MGAT4C: variants seen among roughly 807,000 people sequenced by gnomAD.
MGAT4C encodes the protein MGAT4 family member C.
MGAT4C carries 19 observed loss-of-function variants against 40.1 expected under a neutral mutation model. The ratio of observed to expected loss-of-function variants is 0.47; its 90% confidence interval spans 0.33 to 0.70. MGAT4C has a LOEUF of 0.70. MGAT4C is among the 30% of genes least tolerant of loss of function. The pLI, the probability that MGAT4C is intolerant of heterozygous loss-of-function variation, is 0.02. For synonymous variants in MGAT4C, 181 were observed against 187.1 expected (o/e 0.97, Z 0.27); for missense variants, 491 against 563.2 (o/e 0.87, Z 1.30).
At position 86,694,954 on chromosome 12, in the gene MGAT4C, C is replaced by T. The variant is rs778203083; in HGVS notation, c.-229+32255G>A. 5.3e-5 allele frequency among the ~76,000 whole-genome samples: 8 copies of T among 151,992 alleles called. No individual in the cohort carries two copies. The East Asian group carries it at 7.7e-4, about 15-fold the overall frequency. ...AATTAAAAGGCTTCTAAGCAGCAAA[C>T]GAAACAATTAACAAAGTGAAGAGGC... On this transcript the variant is annotated intron_variant, in intron 2 of 7. Transcript: ENST00000548651.
chr12:86,226,920 T>C lies in MGAT4C; in HGVS notation c.-57+29319A>G, dbSNP rs1443127504. 5.3e-5 allele frequency among the ~76,000 whole-genome samples: 8 copies of C among 151,920 alleles called. No individual in the cohort carries two copies. The East Asian group carries it at 1.3e-3, about 26-fold the overall frequency. ...CTAGTGCTCTCTTTCTGTGCTCCTCTTTATAGTAACAAATGCACACTCCTC... is the reference window on the plus strand; with the variant it reads ...CTAGTGCTCTCTTTCTGTGCTCCTCCTTATAGTAACAAATGCACACTCCTC... On this transcript the variant is annotated intron_variant, in intron 1 of 4. Coordinates refer to ENST00000611864, the MANE Select transcript of MGAT4C (RefSeq NM_001351288.2).
At position 86,284,875 on chromosome 12, in the gene MGAT4C, A is replaced by C. The variant is rs147748026; in HGVS notation, c.-57+49190T>G. On this transcript the variant is annotated intron_variant, in intron 4 of 7. Coordinates refer to the MGAT4C transcript ENST00000548651. ...ATGTAATTCAGAAAATCCTGAGAGC[A>C]TATGTCATCTGCACAGTCAATTATT... Among the ~76,000 whole-genome samples, 456 of 152,136 alleles carry C rather than the reference A, an allele frequency of 3.0e-3. 2 individuals are homozygous for C. Among genetic ancestry groups the C allele is most frequent in the African/African-American group, 0.01 (436 of 41,558 alleles).
rs556660192 is a variant in MGAT4C at position 86,502,429 on chromosome 12, C to T, written c.-228-67164G>A. ...CTGTATGTTGCTATAATGGCAGATA[C>T]ATAACATTATACAGTTGTCAAAATC... On this transcript the variant is annotated intron_variant, in intron 2 of 7. Transcript: ENST00000548651. 1.6e-3 allele frequency among the ~76,000 whole-genome samples: 239 copies of T among 151,856 alleles called. 1 individual carries two copies. Among genetic ancestry groups the T allele is most frequent in the African/African-American group, 5.5e-3 (230 of 41,462 alleles).
chr12:86,785,306 A>T (rs1951913183), intron 1 of MGAT4C, among the ~76,000 whole-genome samples: 2 of 151,930 alleles, frequency 1.3e-5, no homozygotes. Context: ...ATTTTTGTGT[A>T]TTTTTTTCTT....
chr12:86,824,036 T>C (rs1952755015), intron 1 of MGAT4C, among the ~76,000 whole-genome samples: 1 of 151,400 alleles, frequency 6.6e-6, no homozygotes, highest in Admixed American at 6.6e-5. Flanking sequence ...CTGAGTAGCA[T>C]GATGAAATCT....
chr12:86,624,011 G>A (rs1229634100), intron 2 of MGAT4C, among the ~76,000 whole-genome samples: 1 of 152,092 alleles, frequency 6.6e-6, no homozygotes, highest in Non-Finnish European at 1.5e-5. Flanking sequence ...TGACCTGTCT[G>A]TTAGCTCCCT....
intron 1 of MGAT4C, among the ~76,000 whole-genome samples, chr12:86,136,691 G>GT (rs945434068): frequency 6.6e-6 from 1 of 151,628 alleles, no homozygotes; most frequent in African/African-American, 2.4e-5. Context: ...TTTTGTTTTT[G>GT]TTTTTTCTTT....
chr12:86,291,079 T>G (rs1953500137), intron 4 of MGAT4C, among the ~76,000 whole-genome samples: 2 of 152,124 alleles, frequency 1.3e-5, no homozygotes, highest in Non-Finnish European at 1.5e-5. Context: ...CACTCAAGCT[T>G]GATGGTCACA....
At chr12:86,396,480 C>T (rs1298626485) in intron 3 of MGAT4C, among the ~76,000 whole-genome samples, 3 of 152,162 alleles carry the variant, frequency 2.0e-5, no homozygotes, top group African/African-American at 7.2e-5. Flanking sequence ...TGCATTTGAC[C>T]CGCAGCAGGA....
intron 4 of MGAT4C, among the ~76,000 whole-genome samples, chr12:86,292,287 A>AT (rs548777607): frequency 6.6e-6 from 1 of 151,906 alleles, no homozygotes; most frequent in Non-Finnish European, 1.5e-5. Context: ...CTATTAAAAT[A>AT]TTTTTTTAAA....
intron 2 of MGAT4C, among the ~76,000 whole-genome samples, chr12:86,044,207 C>A (rs1892164205): frequency 6.6e-6 from 1 of 152,182 alleles, no homozygotes; most frequent in African/African-American, 2.4e-5. Flanking sequence ...AGGCTCCCAG[C>A]TTTGTTCTCA....
chr12:86,760,882 T>C (rs73179385), intron 1 of MGAT4C, among the ~76,000 whole-genome samples: 2 of 152,226 alleles, frequency 1.3e-5, no homozygotes, highest in Non-Finnish European at 2.9e-5. Context: ...TGTATAAAAC[T>C]AGAAAATGCA....
intron 4 of MGAT4C, among the ~76,000 whole-genome samples, chr12:86,302,024 T>C (rs1953824787): frequency 6.6e-6 from 1 of 151,216 alleles, no homozygotes; most frequent in Non-Finnish European, 1.5e-5. Context: ...TAATCTATTT[T>C]AATTACTTAT....
intron 1 of MGAT4C, among the ~76,000 whole-genome samples, chr12:86,066,369 C>T (rs1304645154): frequency 6.6e-6 from 1 of 151,860 alleles, no homozygotes. Flanking sequence ...GATATATAGA[C>T]CAAAGGAACA....
At chr12:86,096,321 A>G (rs1213277406) in intron 1 of MGAT4C, among the ~76,000 whole-genome samples, 3 of 151,228 alleles carry the variant, frequency 2.0e-5, no homozygotes, top group African/African-American at 7.3e-5. Context: ...ACATTTATTT[A>G]TATTTGTTTT....
At chr12:86,291,092 C>A (rs1389975262) in intron 4 of MGAT4C, among the ~76,000 whole-genome samples, 1 of 152,128 alleles carries the variant, frequency 6.6e-6, no homozygotes, top group Admixed American at 6.5e-5. Flanking sequence ...TGGTCACAAG[C>A]TTATCTGACT....
intron 1 of MGAT4C, among the ~76,000 whole-genome samples, chr12:86,807,210 A>T (rs1414069495): frequency 6.6e-6 from 1 of 151,958 alleles, no homozygotes; most frequent in African/African-American, 2.4e-5. Flanking sequence ...TGCTGCACCT[A>T]TCAAAACATT....
chr12:86,834,783 G>T (rs1051926566), intron 1 of MGAT4C, among the ~76,000 whole-genome samples: 3 of 151,864 alleles, frequency 2.0e-5, no homozygotes, highest in African/African-American at 7.2e-5. Flanking sequence ...CTCCTCATTG[G>T]TGTGTAGGCG....
chr12:86,351,926 C>T (rs1274959844), intron 3 of MGAT4C, among the ~76,000 whole-genome samples: 1 of 151,956 alleles, frequency 6.6e-6, no homozygotes, highest in African/African-American at 2.4e-5. Context: ...GAAAGAGTTA[C>T]ATTAGGATAG....
Sources: allele counts gnomAD v4.1 joint callset (sites outside exome capture counted in the v4.1 genomes callset), GRCh38; gene constraint gnomAD v4.1.1; transcripts MANE v1.5; gene names NCBI Gene and HGNC (gene_info 2026-07-23, HGNC 2026-07-21).